IBTK: variants seen among roughly 807,000 people sequenced by gnomAD.
IBTK encodes the protein inhibitor of Bruton tyrosine kinase, also known as BTK-binding protein.
A neutral mutation model predicts 154.9 loss-of-function variants in IBTK; 83 were observed. The observed-to-expected ratio is 0.54, with a 90% CI of 0.45 to 0.64. The LOEUF is 0.64. IBTK is among the 30% of genes least tolerant of loss of function. The pLI is 0.00. For synonymous variants in IBTK, 515 were observed against 536.1 expected (o/e 0.96, Z 0.54); for missense variants, 1,332 against 1,584.6 (o/e 0.84, Z 2.71).
intron 26 of IBTK, among the ~76,000 whole-genome samples, chr6:82,175,922 G>T (rs948983082): frequency 6.6e-6 from 1 of 152,026 alleles, no homozygotes; most frequent in Non-Finnish European, 1.5e-5. Flanking sequence ...CCAGCTACTA[G>T]GGTGGCGGAG....
Position 82,191,498 on chromosome 6 carries a change from AC to A in IBTK, c.3432-283del, listed in dbSNP as rs566426384. ...ACAAATTTCAAAAAGAACTTGCATCACAAGCCTTAACTCTTTGGCTTTTGTA... is the reference window on the plus strand; with the variant it reads ...ACAAATTTCAAAAAGAACTTGCATCAAAGCCTTAACTCTTTGGCTTTTGTA... On this transcript the variant is annotated intron_variant, in intron 24 of 28. Coordinates refer to ENST00000306270, the MANE Select transcript of IBTK (RefSeq NM_015525.4). 1.4e-4 allele frequency: 80 copies of A among 561,732 alleles called. 1 individual carries two copies. The highest frequency in any genetic ancestry group is 1.1e-3 in the African/African-American group (60 of 53,082). The allele number at this position is 561,732 out of a possible 1,614,324, so 34.8% of individuals were successfully genotyped here.
intron 5 of IBTK, among the ~76,000 whole-genome samples, chr6:82,226,575 T>C (rs1770305693): frequency 6.6e-6 from 1 of 151,824 alleles, no homozygotes. Flanking sequence ...TCAGGAAAAG[T>C]GTTTTACAAT....
chr6:82,247,015 C>G (rs934287971), intron 1 of IBTK, among the ~76,000 whole-genome samples: 4 of 152,192 alleles, frequency 2.6e-5, no homozygotes, highest in African/African-American at 9.6e-5. Flanking sequence ...CCAGACAGCT[C>G]TGCCTGTTAC....
intron 16 of IBTK, chr6:82,205,830 G>A (rs1769388012): frequency 6.6e-6 from 1 of 151,756 alleles, no homozygotes; most frequent in Non-Finnish European, 1.5e-5. Context: ...TTGCCCCTGA[G>A]CCACTGCCAA....
rs141043970 is a variant in IBTK, at chr6:82,171,529, A to G, written c.3958T>C (p.Leu1320=). The G allele has an allele frequency of 1.2e-6, 2 of 1,609,064 alleles. No individual in the cohort carries two copies. The highest frequency in any genetic ancestry group is 1.7e-6 in the Non-Finnish European group (2 of 1,176,924). ...TTGCCAAATGCCTCATAGAAAACCA[A>G]TAAATCTTGTATGGCATGCTCCTCA... ...QIEEHAIQDL[L]VFYEAFGNPE... The change falls in exon 29 of 29, where the codon TTG becomes CTG. Residue 1320 remains leucine, a synonymous_variant. Coordinates refer to ENST00000306270, the MANE Select transcript of IBTK (RefSeq NM_015525.4).
rs755825137 is a variant in IBTK, at chr6:82,214,352, T to C, written c.2079A>G (p.Thr693=). 1 of 1,614,112 alleles carries C rather than the reference T, an allele frequency of 6.2e-7. No individual in the cohort carries two copies. The highest frequency in any genetic ancestry group is 1.1e-5 in the South Asian group (1 of 91,086). The change falls in exon 12 of 29, where the codon ACA becomes ACG. Residue 693 remains threonine, a synonymous_variant. Coordinates refer to ENST00000306270, the MANE Select transcript of IBTK (RefSeq NM_015525.4). ...FEVYKSNQAQ[T]VSERQKSKPK... The stretch of plus-strand genomic sequence containing the variant: ...GTTTGCTCTTCTGCCTCTCACTAAC[T>C]GTTTGAGCTTGATTACTTTTGTAAA...
At chr6:82,190,398 A>G (rs1023843903) in intron 25 of IBTK, among the ~76,000 whole-genome samples, 4 of 152,202 alleles carry the variant, frequency 2.6e-5, no homozygotes, top group Admixed American at 6.5e-5. Context: ...CACATTCTCC[A>G]TGTAGTTCTC....
intron 1 of IBTK, among the ~76,000 whole-genome samples, chr6:82,244,232 T>C (rs1771061544): frequency 6.6e-6 from 1 of 152,244 alleles, no homozygotes; most frequent in African/African-American, 2.4e-5. Context: ...TCTTCAGTCA[T>C]AAAAAGGTAA....
intron 10 of IBTK, among the ~76,000 whole-genome samples, chr6:82,217,172 T>G (rs141141334): frequency 3.2e-4 from 48 of 152,242 alleles, no homozygotes; most frequent in African/African-American, 1.1e-3. Context: ...TAGAAAACAC[T>G]GAGAAGCAGA....
At chr6:82,242,296 G>A (rs1297399299) in intron 1 of IBTK, among the ~76,000 whole-genome samples, 1 of 151,858 alleles carries the variant, frequency 6.6e-6, no homozygotes, top group Non-Finnish European at 1.5e-5. Context: ...TTGAACCCAG[G>A]AGGCAGAGTT....
At position 82,191,210 on chromosome 6, in the gene IBTK, T is replaced by C. The variant is rs1768756562; in HGVS notation, c.3438A>G (p.Thr1146=). Residue 1146 remains threonine (T), a synonymous_variant, in exon 25 of 29, where the codon ACA becomes ACG. Transcript: ENST00000306270. The part of the protein sequence containing the change: ...GATPKSHLGK[T]VSHGVKLSQK... ...GAGAAAGTTTAACTCCATGAGAAAC[T>C]GTTTTGCTAGAAATTAAACCAATTA... 6.2e-7 allele frequency: 1 copy of C among 1,605,188 alleles called. No homozygotes were observed. Among genetic ancestry groups the C allele is most frequent in the African/African-American group, 1.3e-5 (1 of 74,618 alleles).
At chr6:82,235,329 C>T (rs990150067) in intron 2 of IBTK, among the ~76,000 whole-genome samples, 2 of 152,120 alleles carry the variant, frequency 1.3e-5, no homozygotes, top group East Asian at 1.9e-4. Flanking sequence ...GGCGCAGTGG[C>T]TCATGACTAT....
At chr6:82,179,894 T>C (rs1430341607) in intron 26 of IBTK, among the ~76,000 whole-genome samples, 2 of 152,310 alleles carry the variant, frequency 1.3e-5, no homozygotes, top group East Asian at 3.9e-4. Context: ...GGGTAATTAA[T>C]AGTTTTCAGG....
chr6:82,187,256 T>A (rs576657847), intron 25 of IBTK, among the ~76,000 whole-genome samples: 1 of 152,128 alleles, frequency 6.6e-6, no homozygotes, highest in East Asian at 1.9e-4. Context: ...ATAACCTATG[T>A]TTTTGGTCAA....
chr6:82,197,368 T>C (rs943563281), intron 21 of IBTK, among the ~76,000 whole-genome samples: 2 of 119,344 alleles, frequency 1.7e-5, no homozygotes, highest in Admixed American at 2.1e-4. Flanking sequence ...ACACAATCTT[T>C]TTGAATTTTT....
chr6:82,231,867 CT>C (rs1562104419), intron 3 of IBTK, 25 bp from the exon 4 acceptor site: 6 of 1,387,474 alleles, frequency 4.3e-6, no homozygotes, highest in South Asian at 2.7e-5. Flanking sequence ...AGTTTTTATA[CT>C]TTTTTATATT....
At position 82,181,991 on chromosome 6, in the gene IBTK, G is replaced by A. The variant is rs375017614; in HGVS notation, c.3613C>T (p.Arg1205Trp). The A allele has an allele frequency of 2.8e-5, 45 of 1,605,400 alleles. No individual in the cohort carries two copies. Among genetic ancestry groups the A allele is most frequent in the East Asian group, 1.6e-4 (7 of 44,484 alleles). Residue 1205 changes from arginine to tryptophan, a missense_variant, in exon 26 of 29, where the codon CGG (arginine) becomes TGG (tryptophan). Physicochemically the swap from Arg to Trp is moderately radical, Grantham distance 101. This residue lies in a region of IBTK where 1,134 missense variants were observed against 1,274.7 expected (regional missense o/e 0.89). Coordinates refer to ENST00000306270, the MANE Select transcript of IBTK (RefSeq NM_015525.4). ...TTTTTTTCTTCTAGTAAGAAATCCCGGAATGACTTGGATGAAACTGAATGC... is the reference window on the plus strand; with the variant it reads ...TTTTTTTCTTCTAGTAAGAAATCCCAGAATGACTTGGATGAAACTGAATGC... ...SLHSVSSKSF[R>W]DFLLEEKKSV...
At chr6:82,193,927 C>A (rs552353601) in intron 23 of IBTK, among the ~76,000 whole-genome samples, 45 of 152,172 alleles carry the variant, frequency 3.0e-4, no homozygotes, top group African/African-American at 1.1e-3. Context: ...GGTAATCCAC[C>A]CACCTCAGCC....
intron 16 of IBTK, among the ~76,000 whole-genome samples, chr6:82,208,379 C>T (rs925965272): frequency 2.6e-5 from 4 of 152,014 alleles, no homozygotes; most frequent in Non-Finnish European, 5.9e-5. Flanking sequence ...AGAAAACATA[C>T]AGGGTAATCA....
Sources: allele counts gnomAD v4.1 joint callset (sites outside exome capture counted in the v4.1 genomes callset), GRCh38; gene constraint gnomAD v4.1.1; regional missense constraint gnomAD v4.1.1; transcripts MANE v1.5; gene names NCBI Gene and HGNC (gene_info 2026-07-23, HGNC 2026-07-21).